Variants in TNRC6B observed in about 807,000 individuals in gnomAD.
TNRC6B encodes trinucleotide repeat-containing gene 6B protein.
A neutral mutation model predicts 203.6 loss-of-function variants in TNRC6B; 52 were observed. The ratio of observed to expected loss-of-function variants is 0.26; its 90% CI spans 0.20 to 0.32. TNRC6B has a LOEUF of 0.32. Ranked by LOEUF, TNRC6B falls within the 10% of genes least tolerant of loss-of-function variation. The pLI, the probability that TNRC6B is intolerant of heterozygous loss-of-function variation, is 1.00. For synonymous variants in TNRC6B, 838 were observed against 845.7 expected, an observed-to-expected ratio of 0.99 and a Z score of 0.16; for missense variants, 1,923 against 2,286.2, an observed-to-expected ratio of 0.84 and a Z score of 3.24.
At chr22:40,128,814 C>T (rs1336553611) in intron 3 of TNRC6B, among the ~76,000 whole-genome samples, 5 of 152,136 alleles carry the variant, frequency 3.3e-5, no homozygotes, top group South Asian at 2.1e-4. Context: ...TAAGCCACTG[C>T]GCCTGGCCTT....
At chr22:40,133,286 CTCT>C (rs1489661741) in intron 3 of TNRC6B, among the ~76,000 whole-genome samples, 17 of 151,994 alleles carry the variant, frequency 1.1e-4, no homozygotes, top group African/African-American at 3.9e-4. Flanking sequence ...TTTGTATCAT[CTCT>C]TCTTTTTATT....
At chr22:40,059,518 G>A (rs113799529) in intron 1 of TNRC6B, among the ~76,000 whole-genome samples, 42 of 152,230 alleles carry the variant, frequency 2.8e-4, no homozygotes, top group African/African-American at 8.9e-4. Flanking sequence ...GGGCATTCTT[G>A]CTTTTCTCCT....
At chr22:40,110,330 A>G (rs1345602155) in intron 1 of TNRC6B, among the ~76,000 whole-genome samples, 1 of 152,240 alleles carries the variant, frequency 6.6e-6, no homozygotes, top group Non-Finnish European at 1.5e-5. Context: ...AAACCTGGAC[A>G]TAGGCCCTTG....
In TNRC6B at chr22:40,285,686, G is replaced by A. The variant is rs746642866; in HGVS notation, c.3624G>A (p.Ser1208=). 7.4e-6 allele frequency: 12 copies of A among 1,613,752 alleles called. No homozygotes were observed. Among genetic ancestry groups the A allele is most frequent in the Middle Eastern group, 1.6e-4 (1 of 6,084 alleles). ...HGLFGNSTAQ[S]RGLHTPVQPL... ...TGTTTGGAAACAGCACAGCACAATC[G>A]AGAGGTCTGCACACACCCGTGCAGC... is the stretch of plus-strand genomic sequence containing the variant. The change falls in exon 12 of 23, where the codon TCG becomes TCA. Residue 1208 remains serine, a synonymous_variant. Coordinates refer to ENST00000454349, the MANE Select transcript of TNRC6B (RefSeq NM_001162501.2).
rs78302140 is a variant in TNRC6B, at chr22:40,070,577, A to G, written c.-121+25579A>G. ...AATAAAATATTGTAACTAATAATAC[A>G]GTTATATCTTTATAGATATTCAAAG... On this transcript the variant is annotated intron_variant, in intron 1 of 23. Transcript: ENST00000301923. Among the ~76,000 whole-genome samples the G allele has an allele frequency of 2.0e-5, 3 of 152,226 alleles. No individual in the cohort carries two copies. The East Asian group carries it at 5.8e-4, about 29-fold the overall frequency.
chr22:40,149,971 A>C (rs544364722), intron 3 of TNRC6B, among the ~76,000 whole-genome samples: 1 of 126,972 alleles, frequency 7.9e-6, no homozygotes, highest in South Asian at 2.8e-4. Flanking sequence ...GTATAAAATA[A>C]TTTTTTTTAA....
At chr22:40,293,337 C>T (rs776678136) in intron 12 of TNRC6B, among the ~76,000 whole-genome samples, 7 of 151,720 alleles carry the variant, frequency 4.6e-5, no homozygotes, top group Non-Finnish European at 1.0e-4. Context: ...GGAACTACAG[C>T]TGCCAGCCAC....
intron 1 of TNRC6B, among the ~76,000 whole-genome samples, chr22:40,220,387 A>G (rs570963598): frequency 6.6e-6 from 1 of 151,502 alleles, no homozygotes; most frequent in African/African-American, 2.4e-5. Flanking sequence ...GGAGGGGTGG[A>G]GGTTTGAGCC....
intron 4 of TNRC6B, among the ~76,000 whole-genome samples, chr22:40,264,289 A>G (rs1454321049): frequency 1.3e-5 from 2 of 152,198 alleles, no homozygotes; most frequent in African/African-American, 4.8e-5. Flanking sequence ...TGCACTAAGG[A>G]ACTGTTGAAG....
intron 1 of TNRC6B, among the ~76,000 whole-genome samples, chr22:40,089,342 C>T (rs1053112216): frequency 1.3e-5 from 2 of 152,086 alleles, no homozygotes; most frequent in Non-Finnish European, 2.9e-5. Flanking sequence ...AAGCGATTCT[C>T]TTGCCTCAGC....
Position 40,325,588 on chromosome 22 carries a change from C to G in TNRC6B, c.*2347C>G, listed in dbSNP as rs969747789. ...TCTGCAATTTGAATCACCACCGTGC[C>G]CCTTCCACCACTGTTCCCCATGCAA... On this transcript the variant is annotated 3_prime_UTR_variant, in exon 23 of 23. Coordinates refer to ENST00000454349, the MANE Select transcript of TNRC6B (RefSeq NM_001162501.2). 2 of 152,540 alleles carry G rather than the reference C, an allele frequency of 1.3e-5. No individual in the cohort carries two copies. Among genetic ancestry groups the G allele is most frequent in the Non-Finnish European group, 2.9e-5 (2 of 68,118 alleles). The allele number at this position is 152,540 out of a possible 1,614,324, so 9.4% of individuals were successfully genotyped here. A position where few individuals can be genotyped will look rare whatever the true frequency, so the allele number is the denominator to read the frequency against.
chr22:40,232,023 T>C (rs1290773178), intron 1 of TNRC6B, among the ~76,000 whole-genome samples: 1 of 152,184 alleles, frequency 6.6e-6, no homozygotes, highest in Non-Finnish European at 1.5e-5. Flanking sequence ...TTTCCTGAAG[T>C]GCAGGGAAGA....
chr22:40,289,595 A>G (rs1746497533), intron 12 of TNRC6B, among the ~76,000 whole-genome samples: 1 of 152,118 alleles, frequency 6.6e-6, no homozygotes, highest in Admixed American at 6.6e-5. Flanking sequence ...CTGGTTCTCC[A>G]TCTGCCTCTC....
At position 40,178,096 on chromosome 22, in the gene TNRC6B, G is replaced by T; in HGVS notation, c.-40G>T. 1 of 1,609,866 alleles carries T rather than the reference G, an allele frequency of 6.2e-7. No homozygotes were observed. The highest frequency in any genetic ancestry group is 8.5e-7 in the Non-Finnish European group (1 of 1,178,510). On this transcript the variant is annotated 5_prime_UTR_variant, in exon 1 of 23. Transcript: ENST00000454349. Reference sequence around the variant, plus strand: ...CTTTTTTCATTTCCATTTCTACCTTGTATGCCTCAATTTGCTGGATTTAAG... The same window carrying T: ...CTTTTTTCATTTCCATTTCTACCTTTTATGCCTCAATTTGCTGGATTTAAG...
intron 3 of TNRC6B, chr22:40,253,535 A>AAT: frequency 4.4e-6 from 2 of 453,750 alleles, no homozygotes. Flanking sequence ...GGGCTTTCTC[A>AAT]TACCTACTAT....
chr22:40,301,127 T>G (rs755217847), intron 14 of TNRC6B, 23 bp from the exon 15 acceptor site: 2 of 1,552,828 alleles, frequency 1.3e-6, no homozygotes, highest in South Asian at 2.4e-5. Flanking sequence ...GCTTATCACG[T>G]GTCTGTCTCT....
chr22:40,273,938 T>A (rs900977810), intron 7 of TNRC6B, among the ~76,000 whole-genome samples: 3 of 152,144 alleles, frequency 2.0e-5, no homozygotes, highest in African/African-American at 7.2e-5. Flanking sequence ...GGAGCTACCA[T>A]GCCTAGCCAG....
intron 3 of TNRC6B, among the ~76,000 whole-genome samples, chr22:40,149,291 T>C (rs2068724248): frequency 1.3e-5 from 2 of 152,182 alleles, no homozygotes; most frequent in South Asian, 2.1e-4. Context: ...ATTCCACTTA[T>C]GGAAGCTCCA....
At chr22:40,271,027 G>A (rs1233154729) in intron 6 of TNRC6B, among the ~76,000 whole-genome samples, 1 of 152,154 alleles carries the variant, frequency 6.6e-6, no homozygotes, top group Non-Finnish European at 1.5e-5. Context: ...TTCCACATAA[G>A]AGCATTTCAG....
Sources: gnomAD v4.1 joint callset for allele counts (sites outside exome capture counted in the v4.1 genomes callset) on GRCh38, gnomAD v4.1.1 for gene constraint, MANE v1.5 for transcripts, NCBI Gene and HGNC (gene_info 2026-07-23, HGNC 2026-07-21) for gene names.